The following DYM variants were observed in gnomAD, a reference collection of about 807,000 sequenced individuals.
DYM encodes dyggve-Melchior-Clausen syndrome protein.
DYM carries 78 observed loss-of-function variants against 93.1 expected under a neutral mutation model. The observed-to-expected ratio is 0.84, with a 90% CI of 0.70 to 1.01. The LOEUF is 1.01. Among genes scored for constraint, DYM ranks in the 50% least tolerant of loss-of-function variants. The pLI is 0.00. For synonymous variants in DYM, 321 were observed against 319.7 expected, an observed-to-expected ratio of 1.00 and a Z score of -0.04; for missense variants, 789 against 845.0, an observed-to-expected ratio of 0.93 and a Z score of 0.82.
At chr18:49,347,647 G>C (rs1030676894) in intron 6 of DYM, among the ~76,000 whole-genome samples, 1 of 151,996 alleles carries the variant, frequency 6.6e-6, no homozygotes, top group Non-Finnish European at 1.5e-5. Context: ...ATTTCCTCCC[G>C]TAACTTTCTA....
At chr18:49,251,470 C>G (rs923352983) in intron 13 of DYM, among the ~76,000 whole-genome samples, 1 of 152,106 alleles carries the variant, frequency 6.6e-6, no homozygotes, top group Non-Finnish European at 1.5e-5. Context: ...GGGCCATTAC[C>G]TAGGACAGGG....
At chr18:49,372,032 A>G (rs2067089125) in intron 5 of DYM, among the ~76,000 whole-genome samples, 1 of 152,230 alleles carries the variant, frequency 6.6e-6, no homozygotes, top group Non-Finnish European at 1.5e-5. Flanking sequence ...CAACATACCT[A>G]AGATGCCTCA....
At chr18:49,450,413 G>A (rs2082425725) in intron 1 of DYM, among the ~76,000 whole-genome samples, 1 of 152,208 alleles carries the variant, frequency 6.6e-6, no homozygotes, top group Non-Finnish European at 1.5e-5. Context: ...TCATGTAATA[G>A]TAAAGGATGA....
At position 49,213,127 on chromosome 18, in the gene DYM, T is replaced by G. The variant is rs77220562; in HGVS notation, c.1461-3412A>C. On this transcript the variant is annotated intron_variant, in intron 13 of 17. Coordinates refer to ENST00000675505, the MANE Select transcript of DYM (RefSeq NM_001353214.3). Reference sequence around the variant, plus strand: ...ATGGTTATGCTTCACTAAAATAAAGTACAACAATATTCTGTCCTAGAACAA... The same window carrying G: ...ATGGTTATGCTTCACTAAAATAAAGGACAACAATATTCTGTCCTAGAACAA... Among the ~76,000 whole-genome samples the G allele has an allele frequency of 3.2e-3, 487 of 152,250 alleles. 14 individuals carry two copies. The East Asian group carries it at 0.074, about 23-fold the overall frequency.
chr18:49,369,148 C>G (rs1214365530), intron 5 of DYM, among the ~76,000 whole-genome samples: 1 of 152,234 alleles, frequency 6.6e-6, no homozygotes, highest in Non-Finnish European at 1.5e-5. Context: ...ATCCACTAAT[C>G]TGGCAGGAAA....
intron 13 of DYM, among the ~76,000 whole-genome samples, chr18:49,225,232 A>C (rs925008384): frequency 6.6e-6 from 1 of 152,176 alleles, no homozygotes; most frequent in African/African-American, 2.4e-5. Context: ...GCACACACAC[A>C]ATTTTACACA....
chr18:49,225,172 G>A (rs1292305395), intron 13 of DYM, among the ~76,000 whole-genome samples: 3 of 152,094 alleles, frequency 2.0e-5, no homozygotes, highest in African/African-American at 7.2e-5. Context: ...TATGCATTAA[G>A]TTTCCAGGGG....
At chr18:49,372,458 T>C (rs1442187844) in intron 5 of DYM, among the ~76,000 whole-genome samples, 1 of 152,160 alleles carries the variant, frequency 6.6e-6, no homozygotes, top group Non-Finnish European at 1.5e-5. Flanking sequence ...AGAACATGTA[T>C]AGGGCCGGGT....
At chr18:49,454,639 C>A (rs1017759432) in intron 1 of DYM, among the ~76,000 whole-genome samples, 2 of 152,044 alleles carry the variant, frequency 1.3e-5, no homozygotes, top group African/African-American at 4.8e-5. Flanking sequence ...GTGGCTCAGG[C>A]CTGTAATCCC....
intron 2 of DYM, among the ~76,000 whole-genome samples, chr18:49,414,981 A>C (rs2072752449): frequency 6.6e-6 from 1 of 152,114 alleles, no homozygotes; most frequent in African/African-American, 2.4e-5. Context: ...ATATTAATCA[A>C]AAAAATACTT....
At chr18:49,412,399 T>A (rs2072366436) in intron 2 of DYM, among the ~76,000 whole-genome samples, 1 of 152,164 alleles carries the variant, frequency 6.6e-6, no homozygotes, top group Admixed American at 6.5e-5. Flanking sequence ...CTGGGAAAAC[T>A]TAAGCATCTT....
chr18:49,288,198 T>A (rs1022862396), intron 8 of DYM, among the ~76,000 whole-genome samples: 2 of 152,166 alleles, frequency 1.3e-5, no homozygotes, highest in African/African-American at 4.8e-5. Context: ...TGATACTCCA[T>A]TACTGACACA....
chr18:49,379,697 G>T lies in DYM; in HGVS notation c.255C>A (p.Thr85=), dbSNP rs2067855391. The T allele has an allele frequency of 2.5e-6, 4 of 1,613,036 alleles. No homozygotes were observed. The highest frequency in any genetic ancestry group is 2.5e-6 in the Non-Finnish European group (3 of 1,179,396). The change falls in exon 4 of 18, where the codon ACC becomes ACA. Residue 85 remains threonine, a synonymous_variant. Coordinates refer to ENST00000675505, the MANE Select transcript of DYM (RefSeq NM_001353214.3). ...ATTCTGCTGAAAGTTTTAGTTCTTTGGTTCTAGAAAGGAAGACCTTAATTA... is the reference window on the plus strand; with the variant it reads ...ATTCTGCTGAAAGTTTTAGTTCTTTTGTTCTAGAAAGGAAGACCTTAATTA... ...GALIKVFLSR[T]KELKLSAECQ... is the part of the protein sequence containing the mutation.
intron 2 of DYM, among the ~76,000 whole-genome samples, chr18:49,407,575 T>C (rs35710322): frequency 0.32 from 48,103 of 151,986 alleles, 8,845 homozygotes; most frequent in Middle Eastern, 0.46. Context: ...CCACACTCTT[T>C]TAAACAACTA....
At chr18:49,282,958 T>C (rs774596762) in intron 9 of DYM, among the ~76,000 whole-genome samples, 4 of 152,236 alleles carry the variant, frequency 2.6e-5, no homozygotes, top group Non-Finnish European at 5.9e-5. Flanking sequence ...CATCCACTTA[T>C]ATCAAAATCA....
intron 8 of DYM, among the ~76,000 whole-genome samples, chr18:49,323,908 C>T (rs775376115): frequency 4.6e-5 from 7 of 151,988 alleles, no homozygotes; most frequent in Non-Finnish European, 7.4e-5. Context: ...AGCTCCAAGG[C>T]GGGCAGATCA....
chr18:49,436,287 A>AT (rs1053976840), intron 1 of DYM, among the ~76,000 whole-genome samples: 8 of 152,184 alleles, frequency 5.3e-5, no homozygotes, highest in African/African-American at 1.9e-4. Flanking sequence ...AAGCACTGGA[A>AT]TTAGAGGTAT....
chr18:49,303,109 AT>A (rs1172059799), intron 8 of DYM, among the ~76,000 whole-genome samples: 1 of 152,174 alleles, frequency 6.6e-6, no homozygotes, highest in Non-Finnish European at 1.5e-5. Flanking sequence ...GTCCAAAAAG[AT>A]GCAATTCTGT....
intron 8 of DYM, among the ~76,000 whole-genome samples, chr18:49,292,359 C>CAGACAG (rs1568187916): frequency 3.5e-5 from 2 of 57,546 alleles, no homozygotes; most frequent in African/African-American, 1.4e-4. Context: ...CAGACAGACA[C>CAGACAG]ACACACACAC....
Sources: allele counts gnomAD v4.1 joint callset (sites outside exome capture counted in the v4.1 genomes callset), GRCh38; gene constraint gnomAD v4.1.1; transcripts MANE v1.5; gene names NCBI Gene and HGNC (gene_info 2026-07-23, HGNC 2026-07-21).